SMC4: variants seen among roughly 807,000 people sequenced by gnomAD.
SMC4 encodes the protein structural maintenance of chromosomes protein 4.
Under a neutral mutation model 145.6 loss-of-function variants are expected in SMC4, and 87 were observed. That is an observed-to-expected ratio of 0.60 (90% CI 0.50 to 0.71). SMC4 has a LOEUF of 0.71. Among genes scored for constraint, SMC4 ranks in the 30% least tolerant of loss-of-function variants. SMC4 has a pLI of 0.00. For missense variants in SMC4, 1,447 were observed against 1,537.1 expected (o/e 0.94, Z 0.98); for synonymous variants, 558 against 500.7 (o/e 1.11, Z -1.53).
intron 13 of SMC4, among the ~76,000 whole-genome samples, chr3:160,421,903 C>A (rs1224151202): frequency 1.3e-5 from 2 of 152,168 alleles, no homozygotes; most frequent in African/African-American, 2.4e-5. Context: ...CCCTTCACCC[C>A]CTCCGTAACA....
intron 15 of SMC4, 63 bp downstream of exon 15, chr3:160,423,903 A>C: frequency 4.5e-6 from 6 of 1,328,022 alleles, no homozygotes; most frequent in Non-Finnish European, 6.2e-6. Context: ...ACCGAGGTAT[A>C]TACTTACTAC....
intron 17 of SMC4, among the ~76,000 whole-genome samples, chr3:160,427,319 A>C (rs1717897579): frequency 6.6e-6 from 1 of 152,200 alleles, no homozygotes; most frequent in Admixed American, 6.5e-5. Context: ...AAGCATTCCA[A>C]GAAGAGTATA....
At chr3:160,406,329 G>C (rs1715323537) in intron 5 of SMC4, among the ~76,000 whole-genome samples, 1 of 152,026 alleles carries the variant, frequency 6.6e-6, no homozygotes, top group South Asian at 2.1e-4. Flanking sequence ...TAAGAAACAG[G>C]GATTGGACTA....
At chr3:160,405,652 A>G (rs1365261796) in intron 5 of SMC4, among the ~76,000 whole-genome samples, 1 of 152,074 alleles carries the variant, frequency 6.6e-6, no homozygotes, top group African/African-American at 2.4e-5. Context: ...TACCAGGCAC[A>G]GTATATTTGC....
At chr3:160,420,628 A>T in intron 12 of SMC4, 112 bp from the exon 13 acceptor site, 2 of 1,097,934 alleles carry the variant, frequency 1.8e-6, no homozygotes, top group Non-Finnish European at 1.3e-6. Context: ...TTCTCTTTAA[A>T]ACCATGTCTA....
intron 1 of SMC4, 57 bp from the exon 2 acceptor site, chr3:160,400,765 C>A: frequency 1.4e-6 from 2 of 1,422,864 alleles, no homozygotes; most frequent in East Asian, 3.0e-5. Context: ...CCGGGTGGGG[C>A]GGGCGCGGTG....
intron 17 of SMC4, among the ~76,000 whole-genome samples, chr3:160,427,451 A>G (rs1036258540): frequency 2.6e-5 from 4 of 152,236 alleles, no homozygotes; most frequent in African/African-American, 9.6e-5. Context: ...TTTCCCTGCA[A>G]GCACCCACAA....
intron 21 of SMC4, among the ~76,000 whole-genome samples, chr3:160,432,079 G>A (rs1361198010): frequency 6.6e-6 from 1 of 152,238 alleles, no homozygotes; most frequent in Non-Finnish European, 1.5e-5. Flanking sequence ...GCACGTGCCT[G>A]TAATCCCGGG....
intron 20 of SMC4, 79 bp downstream of exon 20, chr3:160,431,284 G>C (rs1212352973): frequency 8.1e-7 from 1 of 1,238,450 alleles, no homozygotes; most frequent in Non-Finnish European, 1.1e-6. Flanking sequence ...TGTTTTAGGG[G>C]GTTGGGGTTC....
intron 17 of SMC4, among the ~76,000 whole-genome samples, chr3:160,427,810 C>T (rs148197415): frequency 2.6e-4 from 39 of 152,242 alleles, no homozygotes; most frequent in African/African-American, 7.9e-4. Flanking sequence ...AATTGGGCTG[C>T]GCATGGTGGC....
Position 160,414,493 on chromosome 3 carries a change from A to C in SMC4, c.1248A>C (p.Lys416Asn). Reference sequence around the variant, plus strand: ...CGAGTAAAGCCAAAAAACTGGAGAAACAACTTCAAAAAGATAAAGAAAAGG... The same window carrying C: ...CGAGTAAAGCCAAAAAACTGGAGAACCAACTTCAAAAAGATAAAGAAAAGG... ...HATSKAKKLEKQLQKDKEKVE... is the reference protein window; with the variant it reads ...HATSKAKKLENQLQKDKEKVE... Residue 416 changes from lysine (K) to asparagine (N), a missense_variant, in exon 9 of 24, where the codon AAA becomes AAC. Transcript: ENST00000357388. The C allele has an allele frequency of 6.2e-7, 1 of 1,611,308 alleles. No homozygotes were observed. Among genetic ancestry groups the C allele is most frequent in the Non-Finnish European group, 8.5e-7 (1 of 1,179,260 alleles).
Position 160,417,851 on chromosome 3 carries a change from G to T in SMC4, c.1566G>T (p.Lys522Asn). Reference sequence around the variant, plus strand: ...ATACTGCAGTGTCTCAATTAACTAAGGCTAAGGAAGCTCTAATTGCAGCTT... The same window carrying T: ...ATACTGCAGTGTCTCAATTAACTAATGCTAAGGAAGCTCTAATTGCAGCTT... ...RHNTAVSQLT[K>N]AKEALIAASE... The change falls in exon 11 of 24, where the codon AAG (lysine) becomes AAT (asparagine). Residue 522 changes from lysine to asparagine, a missense_variant. By Grantham distance (94) the Lys-to-Asn change is moderately conservative (BLOSUM62 0). Transcript: ENST00000357388. 1.2e-6 allele frequency: 2 copies of T among 1,613,672 alleles called. No individual in the cohort carries two copies. Among genetic ancestry groups the T allele is most frequent in the Non-Finnish European group, 1.7e-6 (2 of 1,179,820 alleles).
At chr3:160,424,616 G>A (rs992563056) in intron 15 of SMC4, among the ~76,000 whole-genome samples, 1 of 152,090 alleles carries the variant, frequency 6.6e-6, no homozygotes, top group Non-Finnish European at 1.5e-5. Flanking sequence ...AGACCAGCCT[G>A]GCCAACATAG....
At chr3:160,418,013 C>T in intron 11 of SMC4, 57 bp downstream of exon 11, 1 of 1,438,590 alleles carries the variant, frequency 7.0e-7, no homozygotes, top group Non-Finnish European at 9.5e-7. Flanking sequence ...CAGCTTTATA[C>T]ATTTTTGTTT....
Position 160,433,856 on chromosome 3 carries a change from T to TG in SMC4, c.*47_*48insG, listed in dbSNP as rs1718702002. The TG allele has an allele frequency of 7.0e-7, 1 of 1,437,622 alleles. No individual in the cohort carries two copies. The highest frequency in any genetic ancestry group is 1.4e-5 in the African/African-American group (1 of 69,668). The allele number at this position is 1,437,622 out of a possible 1,614,324, so 89.1% of individuals were successfully genotyped here. On this transcript the variant is annotated 3_prime_UTR_variant, in exon 24 of 24. Coordinates refer to ENST00000357388, the MANE Select transcript of SMC4 (RefSeq NM_001002800.3). ...AAGTTGATTCAGTGTATTACTGATT[T>TG]TTTTCTATTTGTAAAGGATTATGAG...
At position 160,423,493 on chromosome 3, in the gene SMC4, A is replaced by C. The variant is rs1423023987; in HGVS notation, c.2088A>C (p.Leu696Phe). The C allele has an allele frequency of 2.5e-6, 4 of 1,613,240 alleles. No individual in the cohort carries two copies. Among genetic ancestry groups the C allele is most frequent in the Non-Finnish European group, 3.4e-6 (4 of 1,179,684 alleles). Residue 696 changes from leucine to phenylalanine, a missense_variant, in exon 14 of 24, where the codon TTA becomes TTC. By Grantham distance (22) the Leu-to-Phe change is conservative. Coordinates refer to ENST00000357388, the MANE Select transcript of SMC4 (RefSeq NM_001002800.3). ...TPENTPRLFDLVKVKDEKIRQ... is the reference protein window; with the variant it reads ...TPENTPRLFDFVKVKDEKIRQ... ...AAAATACTCCTCGTTTATTTGATTT[A>C]GTAAAAGTAAAAGATGAGAAAATTC...
At chr3:160,416,448 G>A in intron 10 of SMC4, 33 bp downstream of exon 10, 1 of 1,320,960 alleles carries the variant, frequency 7.6e-7, no homozygotes, top group Non-Finnish European at 1.0e-6. Flanking sequence ...TGTTTATTTT[G>A]GTGGCTTTTT....
chr3:160,400,893 C>G lies in SMC4; in HGVS notation c.67C>G (p.Pro23Ala). ...AGAGGAAGGGCCGCCGCCGCCGTCC[C>G]CTGACGGCGCCAGCAGCGACGCGGA... ...RREEGPPPPS[P>A]DGASSDAEPE... Residue 23 changes from proline to alanine, a missense_variant, in exon 2 of 24, where the codon CCT (proline) becomes GCT (alanine). Physicochemically the swap from Pro to Ala is conservative, Grantham distance 27. Coordinates refer to ENST00000357388, the MANE Select transcript of SMC4 (RefSeq NM_001002800.3). 6.6e-7 allele frequency: 1 copy of G among 1,507,038 alleles called. No homozygotes were observed. Among genetic ancestry groups the G allele is most frequent in the Non-Finnish European group, 8.8e-7 (1 of 1,136,892 alleles). 93.4% of individuals were successfully genotyped at this position (1,507,038 alleles called of 1,614,324 possible).
At chr3:160,425,756 G>T (rs949618676) in intron 16 of SMC4, among the ~76,000 whole-genome samples, 39 of 152,114 alleles carry the variant, frequency 2.6e-4, no homozygotes, top group Non-Finnish European at 4.4e-5. Flanking sequence ...ATGCCAGATT[G>T]TTTTCAAAAG....
Sources: allele counts gnomAD v4.1 joint callset (sites outside exome capture counted in the v4.1 genomes callset), GRCh38; gene constraint gnomAD v4.1.1; transcripts MANE v1.5; gene names NCBI Gene and HGNC (gene_info 2026-07-23, HGNC 2026-07-21).